ST7L: variants seen among roughly 807,000 people sequenced by gnomAD.
ST7L encodes the protein suppressor of tumorigenicity 7 protein-like.
A neutral mutation model predicts 72.5 loss-of-function variants in ST7L; 57 were observed. That is an observed-to-expected ratio of 0.79 (90% CI 0.64 to 0.98). ST7L has a LOEUF of 0.98. ST7L is among the 50% of genes least tolerant of loss of function. The pLI, the probability that ST7L is intolerant of heterozygous loss-of-function variation, is 0.00. For synonymous variants in ST7L, 221 were observed against 240.9 expected, an observed-to-expected ratio of 0.92 and a Z score of 0.77; for missense variants, 576 against 672.2, an observed-to-expected ratio of 0.86 and a Z score of 1.58.
At position 112,525,888 on chromosome 1, in the gene ST7L, G is replaced by T; in HGVS notation, c.*125C>A. 4.5e-6 allele frequency: 6 copies of T among 1,329,966 alleles called. No homozygotes were observed. The Middle Eastern group carries it at 5.7e-4, about 126-fold the overall frequency. The allele number at this position is 1,329,966 out of a possible 1,614,324, so 82.4% of individuals were successfully genotyped here. Reference sequence around the variant, plus strand: ...ATATTCATAAGAAGCTTTTTCATATGCAAAATGCTTTAGCATATATGTAAT... The same window carrying T: ...ATATTCATAAGAAGCTTTTTCATATTCAAAATGCTTTAGCATATATGTAAT... On this transcript the variant is annotated 3_prime_UTR_variant, in exon 15 of 15. Coordinates refer to ENST00000358039, the MANE Select transcript of ST7L (RefSeq NM_017744.5).
chr1:112,548,969 C>A (rs1236691662), intron 13 of ST7L, among the ~76,000 whole-genome samples: 1 of 151,608 alleles, frequency 6.6e-6, no homozygotes, highest in Non-Finnish European at 1.5e-5. Context: ...CTTTGCCTTT[C>A]CATATACATT....
In ST7L at chr1:112,525,167, G is replaced by C. The variant is rs897541921; in HGVS notation, c.*846C>G. 6.6e-6 allele frequency: 1 copy of C among 152,206 alleles called. No homozygotes were observed. Among genetic ancestry groups the C allele is most frequent in the South Asian group, 2.1e-4 (1 of 4,834 alleles). The allele number at this position is 152,206 out of a possible 1,614,324, so 9.4% of individuals were successfully genotyped here. ...GGAGCAGTCTCCTATGACTGCATGG[G>C]GTATAACTGCCAAGCCTACTGCTCA... On this transcript the variant is annotated 3_prime_UTR_variant, in exon 15 of 15. Coordinates refer to ENST00000358039, the MANE Select transcript of ST7L (RefSeq NM_017744.5).
chr1:112,599,127 TACACACACACACAC>T (rs71084480), intron 4 of ST7L, among the ~76,000 whole-genome samples: 22 of 103,846 alleles, frequency 2.1e-4, no homozygotes, highest in Non-Finnish European at 3.3e-4. Flanking sequence ...TGTGTGTGTA[TACACACACACACAC>T]ACACACACAC....
intron 6 of ST7L, among the ~76,000 whole-genome samples, chr1:112,584,577 T>C (rs931816063): frequency 8.6e-5 from 13 of 152,030 alleles, no homozygotes; most frequent in Non-Finnish European, 1.8e-4. Flanking sequence ...AACCTGGGCC[T>C]CCTGGGTTCA....
chr1:112,618,319 GTTGT>G, intron 1 of ST7L: 2 of 1,000,596 alleles, frequency 2.0e-6, no homozygotes, highest in Non-Finnish European at 2.4e-6. Flanking sequence ...CAAACCCACT[GTTGT>G]TTGTGGCGCT....
rs546628123 is a variant in ST7L at position 112,608,016 on chromosome 1, A to C, written c.451+2825T>G. Among the ~76,000 whole-genome samples, 492 of 152,094 alleles carry C rather than the reference A, an allele frequency of 3.2e-3. 2 individuals carry two copies. The highest frequency in any genetic ancestry group is 0.011 in the African/African-American group (472 of 41,424). The stretch of plus-strand genomic sequence containing the variant: ...AACAAAAGCATGCTTTAATTCACTT[A>C]AAAAATTTTTTTTTCCCCCTTGGAG... On this transcript the variant is annotated intron_variant, in intron 3 of 14. Transcript: ENST00000358039.
At chr1:112,604,923 T>C (rs1237810662) in intron 3 of ST7L, among the ~76,000 whole-genome samples, 1 of 127,548 alleles carries the variant, frequency 7.8e-6, no homozygotes, top group Non-Finnish European at 1.6e-5. Flanking sequence ...CCATCTCTAC[T>C]AAAATACAAA....
chr1:112,563,721 A>T (rs1369107903), intron 11 of ST7L, among the ~76,000 whole-genome samples: 10 of 152,166 alleles, frequency 6.6e-5, no homozygotes, highest in Admixed American at 4.6e-4. Context: ...AGACATAATG[A>T]TGTATGGTCT....
At chr1:112,521,158 C>T (rs1189711954), downstream of ST7L, 1 of 153,098 alleles carries the variant, frequency 6.5e-6, no homozygotes, top group Non-Finnish European at 1.5e-5. Context: ...CCATTCTCAA[C>T]CTGTATTGGA....
At chr1:112,536,786 C>G (rs1655278300) in intron 14 of ST7L, among the ~76,000 whole-genome samples, 1 of 152,068 alleles carries the variant, frequency 6.6e-6, no homozygotes, top group East Asian at 1.9e-4. Flanking sequence ...ACCACATTTT[C>G]CCACATAAAG....
At position 112,534,095 on chromosome 1, in the gene ST7L, C is replaced by T. The variant is rs149589283; in HGVS notation, c.1629+7856G>A. ...GTCTTTGCAGTAAACATTTCTCCAA[C>T]CTAAGCACCCTTTTTATTTTTCTGA... On this transcript the variant is annotated intron_variant, in intron 14 of 14. Transcript: ENST00000358039. Among the ~76,000 whole-genome samples the T allele has an allele frequency of 8.5e-5, 13 of 152,276 alleles. No homozygotes were observed. The East Asian group carries it at 2.5e-3, about 29-fold the overall frequency.
At position 112,610,775 on chromosome 1, in the gene ST7L, C is replaced by G. The variant is rs369580798; in HGVS notation, c.451+66G>C. The G allele has an allele frequency of 1.0e-5, 16 of 1,561,330 alleles. No individual in the cohort carries two copies. In the East Asian group the frequency reaches 1.6e-4, roughly 15 times the overall value. On this transcript the variant is annotated intron_variant, in intron 3 of 14. Transcript: ENST00000358039. Reference sequence around the variant, plus strand: ...ACAGCACTCTGCTGTTTTGAGTTTTCTATCTCCCAGAGCCAAACTCAATCT... The same window carrying G: ...ACAGCACTCTGCTGTTTTGAGTTTTGTATCTCCCAGAGCCAAACTCAATCT...
intron 6 of ST7L, among the ~76,000 whole-genome samples, chr1:112,586,209 C>G (rs1207373666): frequency 6.6e-6 from 1 of 152,204 alleles, no homozygotes; most frequent in Non-Finnish European, 1.5e-5. Context: ...AGGAGGATCA[C>G]TTGAGGCCAG....
intron 14 of ST7L, among the ~76,000 whole-genome samples, chr1:112,538,096 C>T (rs1655497302): frequency 6.6e-6 from 1 of 152,092 alleles, no homozygotes; most frequent in Non-Finnish European, 1.5e-5. Context: ...ACAATGGTAA[C>T]AATAAAGAAA....
At chr1:112,575,589 G>A (rs1558005613) in intron 11 of ST7L, among the ~76,000 whole-genome samples, 1 of 152,124 alleles carries the variant, frequency 6.6e-6, no homozygotes, top group East Asian at 1.9e-4. Flanking sequence ...AGACAGTGTT[G>A]GATATGCTGG....
At chr1:112,608,930 A>G (rs891081102) in intron 3 of ST7L, among the ~76,000 whole-genome samples, 1 of 152,206 alleles carries the variant, frequency 6.6e-6, no homozygotes, top group Non-Finnish European at 1.5e-5. Context: ...TCTAGTGGTA[A>G]GCTATTGAAC....
At chr1:112,577,530 CAAAAAAAA>C (rs527682647) in intron 10 of ST7L, among the ~76,000 whole-genome samples, 2 of 24,102 alleles carry the variant, frequency 8.3e-5, no homozygotes, top group East Asian at 1.0e-3. Context: ...AACTCTGTCT[CAAAAAAAA>C]AAAAAAAAAA....
chr1:112,547,841 A>G (rs996539303), intron 13 of ST7L, among the ~76,000 whole-genome samples: 2 of 151,854 alleles, frequency 1.3e-5, no homozygotes, highest in African/African-American at 4.8e-5. Flanking sequence ...TGGGATTACA[A>G]ACGTGAGCCA....
At chr1:112,551,868 G>A (rs1424798488) in intron 12 of ST7L, among the ~76,000 whole-genome samples, 6 of 152,166 alleles carry the variant, frequency 3.9e-5, no homozygotes, top group African/African-American at 1.4e-4. Context: ...CAAGAGTTAA[G>A]TTCCTTGGTC....
Sources: gnomAD v4.1 joint callset for allele counts (sites outside exome capture counted in the v4.1 genomes callset) on GRCh38, gnomAD v4.1.1 for gene constraint, MANE v1.5 for transcripts, NCBI Gene and HGNC (gene_info 2026-07-23, HGNC 2026-07-21) for gene names.